The following CHST9 variants were observed in gnomAD, a reference collection of about 807,000 sequenced individuals.
CHST9 encodes carbohydrate sulfotransferase 9.
CHST9 carries 41 observed loss-of-function variants against 44.4 expected under a neutral mutation model. The ratio of observed to expected loss-of-function variants is 0.92; its 90% CI spans 0.72 to 1.20. The LOEUF is 1.20. Among genes scored for constraint, CHST9 ranks in the 50% most tolerant of loss-of-function variants. CHST9 has a pLI of 0.00. For missense variants in CHST9, 504 were observed against 516.5 expected, an observed-to-expected ratio of 0.98 and a Z score of 0.23; for synonymous variants, 171 against 178.4, an observed-to-expected ratio of 0.96 and a Z score of 0.33.
intron 4 of CHST9, chr18:26,952,307 A>G (rs2056260296): frequency 1.9e-6 from 1 of 517,742 alleles, no homozygotes; most frequent in Non-Finnish European, 3.9e-6. Context: ...TACAATCCCC[A>G]TTGTGGATCT....
At chr18:26,984,729 C>CAAAAA (rs200222761) in intron 4 of CHST9, among the ~76,000 whole-genome samples, 1 of 61,712 alleles carries the variant, frequency 1.6e-5, no homozygotes, top group Non-Finnish European at 3.7e-5. Flanking sequence ...TACCAAAAGA[C>CAAAAA]AAAAAAAAAA....
intron 4 of CHST9, among the ~76,000 whole-genome samples, chr18:26,992,547 T>C (rs2056832264): frequency 6.6e-6 from 1 of 152,180 alleles, no homozygotes; most frequent in Non-Finnish European, 1.5e-5. Context: ...CTTCAATCAC[T>C]ATCCCTTGTT....
intron 2 of CHST9, among the ~76,000 whole-genome samples, chr18:27,077,534 C>T (rs2057916916): frequency 6.6e-6 from 1 of 152,066 alleles, no homozygotes; most frequent in African/African-American, 2.4e-5. Context: ...AAAAAAGATT[C>T]TGTTTCCTAA....
At chr18:27,076,296 T>C (rs1209967259) in intron 2 of CHST9, among the ~76,000 whole-genome samples, 1 of 152,180 alleles carries the variant, frequency 6.6e-6, no homozygotes, top group South Asian at 2.1e-4. Context: ...AACTCTATCC[T>C]GTTTATTTTA....
intron 5 of CHST9, among the ~76,000 whole-genome samples, chr18:26,941,573 T>C (rs2056082649): frequency 6.6e-6 from 1 of 151,942 alleles, no homozygotes; most frequent in Non-Finnish European, 1.5e-5. Context: ...GAAGATTTCA[T>C]CTCTACAAGT....
chr18:27,029,828 A>G (rs1007864034), intron 3 of CHST9, among the ~76,000 whole-genome samples: 2 of 152,170 alleles, frequency 1.3e-5, no homozygotes, highest in Admixed American at 1.3e-4. Flanking sequence ...GGATGCAGAA[A>G]CCGACATACA....
At chr18:26,994,015 C>T (rs2056855913) in intron 4 of CHST9, among the ~76,000 whole-genome samples, 1 of 152,166 alleles carries the variant, frequency 6.6e-6, no homozygotes, top group South Asian at 2.1e-4. Flanking sequence ...CCTCTCTGCC[C>T]TTACAGATTT....
chr18:27,026,782 C>G (rs2057289485), intron 3 of CHST9, among the ~76,000 whole-genome samples: 1 of 152,154 alleles, frequency 6.6e-6, no homozygotes, highest in Non-Finnish European at 1.5e-5. Context: ...TTGGCCAGAG[C>G]CACTAAAATT....
chr18:27,047,687 T>A (rs1158537076), intron 3 of CHST9, among the ~76,000 whole-genome samples: 1 of 151,992 alleles, frequency 6.6e-6, no homozygotes, highest in Non-Finnish European at 1.5e-5. Flanking sequence ...ATGGGAGTGA[T>A]TGGTAGCTCT....
At position 27,075,857 on chromosome 18, in the gene CHST9, T is replaced by A. The variant is rs979232139; in HGVS notation, c.122-27354A>T. ...TATTTTAATGGCACCTAAAAGACTG[T>A]CATGAATGCCAGGATCCATGGAGCA... On this transcript the variant is annotated intron_variant, in intron 2 of 5. Transcript: ENST00000618847. Among the ~76,000 whole-genome samples, 7 of 152,320 alleles carry A rather than the reference T, an allele frequency of 4.6e-5. No individual in the cohort carries two copies. The East Asian group carries it at 1.4e-3, about 29-fold the overall frequency.
chr18:27,147,463 C>T (rs1327402836), intron 1 of CHST9, among the ~76,000 whole-genome samples: 1 of 152,064 alleles, frequency 6.6e-6, no homozygotes, highest in Non-Finnish European at 1.5e-5. Flanking sequence ...AACCAGGAGT[C>T]GGGGGCTTGC....
intron 1 of CHST9, among the ~76,000 whole-genome samples, chr18:27,154,305 T>C (rs934649941): frequency 1.3e-5 from 2 of 152,208 alleles, no homozygotes; most frequent in Non-Finnish European, 2.9e-5. Flanking sequence ...ATAACCTTGT[T>C]TTCTTTTCAG....
chr18:27,141,591 C>CAAAAAAAAAAAAAAAAAA (rs34920055), intron 2 of CHST9, among the ~76,000 whole-genome samples: 10 of 50,098 alleles, frequency 2.0e-4, no homozygotes, highest in African/African-American at 7.9e-4. Flanking sequence ...AATCCCGACT[C>CAAAAAAAAAAAAAAAAAA]AAAAAAAAAA....
chr18:27,074,843 A>G (rs909376907), intron 2 of CHST9, among the ~76,000 whole-genome samples: 59 of 148,058 alleles, frequency 4.0e-4, no homozygotes, highest in African/African-American at 1.4e-3. Flanking sequence ...CATTATAATT[A>G]TATAAATATA....
In CHST9 at chr18:27,142,935, A is replaced by T. The variant is rs139952906; in HGVS notation, c.-96-30T>A. 1.9e-3 allele frequency: 1,571 copies of T among 814,218 alleles called. 5 individuals are homozygous for T. The highest frequency in any genetic ancestry group is 2.6e-3 in the Non-Finnish European group (1,388 of 534,858). 50.4% of individuals were successfully genotyped at this position (814,218 alleles called of 1,614,324 possible). On this transcript the variant is annotated intron_variant, in intron 1 of 5. Coordinates refer to ENST00000618847, the MANE Select transcript of CHST9 (RefSeq NM_031422.6). ...AATTTTAAAAAGAAATCTACATTGT[A>T]CATTTCTGCTAATATTAATTCTCAA...
At chr18:26,932,162 T>G (rs1404703641) in intron 5 of CHST9, among the ~76,000 whole-genome samples, 1 of 152,170 alleles carries the variant, frequency 6.6e-6, no homozygotes, top group African/African-American at 2.4e-5. Flanking sequence ...ACCAAGAAGC[T>G]CTACTGAACA....
At chr18:27,178,912 C>T (rs2058888980) in intron 1 of CHST9, among the ~76,000 whole-genome samples, 1 of 151,954 alleles carries the variant, frequency 6.6e-6, no homozygotes, top group African/African-American at 2.4e-5. Flanking sequence ...TGGACTAGTG[C>T]AGTTCTTTTT....
Position 27,129,429 on chromosome 18 carries a change from G to A in CHST9, c.121+13260C>T, listed in dbSNP as rs551835931. 2.0e-4 allele frequency among the ~76,000 whole-genome samples: 31 copies of A among 151,626 alleles called. No homozygotes were observed. The South Asian group carries it at 5.2e-3, about 26-fold the overall frequency. ...GTGTTGCTCTGTCACCCAGGCTGGC[G>A]TGCAGTGCAGTGCAGTGCAGTGGCA... is the stretch of plus-strand genomic sequence containing the variant. On this transcript the variant is annotated intron_variant, in intron 2 of 5. Transcript: ENST00000618847.
intron 4 of CHST9, among the ~76,000 whole-genome samples, chr18:26,979,774 A>G (rs1299086187): frequency 2.0e-5 from 3 of 152,206 alleles, no homozygotes; most frequent in African/African-American, 7.2e-5. Flanking sequence ...ACCAATTCCT[A>G]TGATAAATTC....
Sources: gnomAD v4.1 joint callset for allele counts (sites outside exome capture counted in the v4.1 genomes callset) on GRCh38, gnomAD v4.1.1 for gene constraint, MANE v1.5 for transcripts, NCBI Gene and HGNC (gene_info 2026-07-23, HGNC 2026-07-21) for gene names.